HYLS1: variants seen among roughly 807,000 people sequenced by gnomAD.
HYLS1 encodes HYLS1 centriolar and ciliogenesis associated.
In HYLS1, 25 loss-of-function variants were observed where a neutral mutation model predicts 29.4. The observed-to-expected ratio is 0.85, with a 90% confidence interval of 0.62 to 1.19. The LOEUF (loss-of-function observed/expected upper bound fraction) is 1.19. Ranked by LOEUF, HYLS1 falls within the 50% of genes most tolerant of loss-of-function variation. The pLI, the probability that HYLS1 is intolerant of heterozygous loss-of-function variation, is 0.00. For synonymous variants in HYLS1, 128 were observed against 126.7 expected, an observed-to-expected ratio of 1.01 and a Z score of -0.07; for missense variants, 352 against 365.1, an observed-to-expected ratio of 0.96 and a Z score of 0.29.
chr11:125,892,622 A>G (rs546611525), intron 2 of HYLS1, among the ~76,000 whole-genome samples: 91 of 152,216 alleles, frequency 6.0e-4, no homozygotes, highest in African/African-American at 2.4e-4. Context: ...TGTTGTTTCT[A>G]CTTTCTTAAT....
chr11:125,899,783 C>A lies in HYLS1; in HGVS notation c.415C>A (p.Gln139Lys). The change falls in exon 3 of 3, where the codon CAG (glutamine) becomes AAG (lysine). Residue 139 changes from glutamine to lysine, a missense_variant. Coordinates refer to ENST00000425380, the MANE Select transcript of HYLS1 (RefSeq NM_001134793.2). ...WDLRQRLMNVQFQEDKESSFD... is the reference protein window; with the variant it reads ...WDLRQRLMNVKFQEDKESSFD... ...CTTAAGACAAAGGCTGATGAATGTA[C>A]AGTTCCAGGAAGACAAGGAATCTTC... 1 of 1,614,130 alleles carries A rather than the reference C, an allele frequency of 6.2e-7. No homozygotes were observed. The highest frequency in any genetic ancestry group is 8.5e-7 in the Non-Finnish European group (1 of 1,179,990).
At chr11:125,892,803 C>G (rs1297921213) in intron 2 of HYLS1, among the ~76,000 whole-genome samples, 1 of 152,198 alleles carries the variant, frequency 6.6e-6, no homozygotes, top group East Asian at 1.9e-4. Flanking sequence ...CCACACAATT[C>G]TATCGGGCAT....
intron 2 of HYLS1, among the ~76,000 whole-genome samples, chr11:125,898,153 C>A (rs1944644272): frequency 6.6e-6 from 1 of 151,864 alleles, no homozygotes; most frequent in Non-Finnish European, 1.5e-5. Flanking sequence ...TAAGAAATTG[C>A]CTTTGAGAGT....
intron 2 of HYLS1, chr11:125,895,856 C>G: frequency 6.3e-7 from 1 of 1,589,696 alleles, no homozygotes; most frequent in Non-Finnish European, 8.5e-7. Context: ...GTGTGTATAC[C>G]TAGAATATCC....
chr11:125,895,852 A>C (rs1944567818), intron 2 of HYLS1: 2 of 1,588,822 alleles, frequency 1.3e-6, no homozygotes, highest in Non-Finnish European at 1.7e-6. Flanking sequence ...CTCAGTGTGT[A>C]TACCTAGAAT....
chr11:125,891,743 C>G (rs1944413201), intron 2 of HYLS1, among the ~76,000 whole-genome samples: 1 of 152,182 alleles, frequency 6.6e-6, no homozygotes, highest in Admixed American at 6.5e-5. Flanking sequence ...AATTCCCCAT[C>G]TCTAAAATGG....
At chr11:125,894,651 A>T (rs187915258) in intron 2 of HYLS1, among the ~76,000 whole-genome samples, 1 of 152,364 alleles carries the variant, frequency 6.6e-6, no homozygotes, top group East Asian at 1.9e-4. Context: ...GCCTGTTCTC[A>T]AATGAAAAAT....
At chr11:125,894,823 T>C (rs1329333163) in intron 2 of HYLS1, among the ~76,000 whole-genome samples, 1 of 152,214 alleles carries the variant, frequency 6.6e-6, no homozygotes, top group East Asian at 1.9e-4. Flanking sequence ...CCTCTTAACA[T>C]AAATTCAGAA....
At chr11:125,894,179 A>G in intron 2 of HYLS1, 2 of 1,614,164 alleles carry the variant, frequency 1.2e-6, no homozygotes, top group Non-Finnish European at 1.7e-6. Flanking sequence ...ATTAGCCCAC[A>G]GTTGTTGTAG....
intron 2 of HYLS1, chr11:125,895,327 A>C (rs768901391): frequency 1.2e-6 from 2 of 1,614,164 alleles, no homozygotes; most frequent in East Asian, 2.2e-5. Flanking sequence ...GCCATCATAC[A>C]TCGGACTTGA....
upstream of HYLS1, among the ~76,000 whole-genome samples, chr11:125,884,239 AG>A (rs1182745241): frequency 3.3e-5 from 5 of 152,254 alleles, no homozygotes; most frequent in Non-Finnish European, 5.9e-5. Context: ...CTTTAAAAAA[AG>A]AAAGACAAGT....
chr11:125,893,490 G>A (rs1210569542), intron 2 of HYLS1: 1 of 237,138 alleles, frequency 4.2e-6, no homozygotes, highest in East Asian at 9.0e-5. Flanking sequence ...TCAGATACTT[G>A]CAGGATTAGG....
chr11:125,891,199 T>C (rs1944401671), intron 1 of HYLS1, among the ~76,000 whole-genome samples: 1 of 152,164 alleles, frequency 6.6e-6, no homozygotes, highest in African/African-American at 2.4e-5. Flanking sequence ...CTTGACTTTT[T>C]CTATGGCAAC....
chr11:125,892,723 C>G (rs116638311), intron 2 of HYLS1, among the ~76,000 whole-genome samples: 2 of 152,178 alleles, frequency 1.3e-5, no homozygotes, highest in African/African-American at 4.8e-5. Flanking sequence ...TCCAGCAGCC[C>G]CCTAATTGGT....
intron 2 of HYLS1, chr11:125,893,722 T>G: frequency 2.8e-6 from 4 of 1,406,888 alleles, no homozygotes; most frequent in Non-Finnish European, 3.8e-6. Context: ...TAAATTTTTT[T>G]TTTTTTCCTT....
upstream of HYLS1, among the ~76,000 whole-genome samples, chr11:125,884,310 T>G (rs1407641887): frequency 6.6e-6 from 1 of 152,212 alleles, no homozygotes; most frequent in Non-Finnish European, 1.5e-5. Flanking sequence ...ACTTTAGGTG[T>G]GATAATAGTA....
chr11:125,886,762 T>C (rs963469280), upstream of HYLS1, among the ~76,000 whole-genome samples: 1 of 151,166 alleles, frequency 6.6e-6, no homozygotes, highest in Admixed American at 6.6e-5. Flanking sequence ...AAATACAAAA[T>C]TAGCCGGGCA....
intron 2 of HYLS1, among the ~76,000 whole-genome samples, chr11:125,892,178 GA>G (rs1944427792): frequency 6.6e-6 from 1 of 152,140 alleles, no homozygotes; most frequent in Non-Finnish European, 1.5e-5. Context: ...AGAAGAGTAA[GA>G]ATTTAGTGAC....
intron 2 of HYLS1, chr11:125,895,997 A>C (rs1190421221): frequency 6.2e-7 from 1 of 1,614,174 alleles, no homozygotes; most frequent in South Asian, 1.1e-5. Context: ...TCTTGGTTAG[A>C]GCTTCAAACA....
Sources: gnomAD v4.1 joint callset for allele counts (sites outside exome capture counted in the v4.1 genomes callset) on GRCh38, gnomAD v4.1.1 for gene constraint, MANE v1.5 for transcripts, NCBI Gene and HGNC (gene_info 2026-07-23, HGNC 2026-07-21) for gene names.